Variants in FAM234B observed in about 807,000 individuals in gnomAD.
FAM234B encodes protein FAM234B.
FAM234B carries 33 observed loss-of-function variants against 69.3 expected under a neutral mutation model. The observed-to-expected ratio is 0.48, with a 90% confidence interval of 0.36 to 0.64. The LOEUF (loss-of-function observed/expected upper bound fraction) is 0.64. Ranked by LOEUF, FAM234B falls within the 30% of genes least tolerant of loss-of-function variation. FAM234B has a pLI of 0.00. For synonymous variants in FAM234B, 306 were observed against 306.9 expected, an observed-to-expected ratio of 1.00 and a Z score of 0.03; for missense variants, 697 against 769.7, an observed-to-expected ratio of 0.91 and a Z score of 1.12.
rs770507792 is a variant in FAM234B at position 13,066,621 on chromosome 12, C to T, written c.853-19C>T. 17 of 1,602,866 alleles carry T rather than the reference C, an allele frequency of 1.1e-5. No individual in the cohort carries two copies. Among genetic ancestry groups the T allele is most frequent in the East Asian group, 4.5e-5 (2 of 44,640 alleles). ...GATAGGGCTTCTATTGACTCCACCCCCCTCTCTTACTTCCTCAGCCAGATC... is the reference window on the plus strand; with the variant it reads ...GATAGGGCTTCTATTGACTCCACCCTCCTCTCTTACTTCCTCAGCCAGATC... On this transcript the variant is annotated intron_variant, in intron 5 of 12. Coordinates refer to ENST00000197268, the MANE Select transcript of FAM234B (RefSeq NM_020853.2).
chr12:13,063,951 T>C (rs1296760979), intron 5 of FAM234B, among the ~76,000 whole-genome samples: 2 of 152,242 alleles, frequency 1.3e-5, no homozygotes, highest in Non-Finnish European at 2.9e-5. Flanking sequence ...GATCTTTGTA[T>C]TGCATATATG....
chr12:13,068,762 T>A, intron 9 of FAM234B, 51 bp downstream of exon 9: 2 of 1,242,352 alleles, frequency 1.6e-6, no homozygotes, highest in Non-Finnish European at 2.3e-6. Flanking sequence ...GTATATACTT[T>A]GTGTCCAACC....
rs980934133 is a variant in FAM234B at position 13,044,869 on chromosome 12, C to G, written c.37+429C>G. Among the ~76,000 whole-genome samples the G allele has an allele frequency of 6.6e-6, 1 of 152,200 alleles. No individual in the cohort carries two copies. Among genetic ancestry groups the G allele is most frequent in the Non-Finnish European group, 1.5e-5 (1 of 68,028 alleles). The stretch of plus-strand genomic sequence containing the variant: ...GGCGAGTGGCCCTCTGTGGATCATC[C>G]CCTCCACCTAACGGCAGCAACGACG... On this transcript the variant is annotated intron_variant, in intron 1 of 12. Coordinates refer to ENST00000197268, the MANE Select transcript of FAM234B (RefSeq NM_020853.2). This position sits in a 1 kb window ranked among gnomAD's most constrained non-coding sequence, Gnocchi z 5.6.
chr12:13,060,670 C>T (rs183933070), intron 3 of FAM234B, among the ~76,000 whole-genome samples: 15 of 152,240 alleles, frequency 9.9e-5, no homozygotes, highest in East Asian at 3.9e-4. Flanking sequence ...TTCAATTAGT[C>T]GTGCTGAGGA....
intron 1 of FAM234B, among the ~76,000 whole-genome samples, chr12:13,045,630 T>C (rs552208743): frequency 6.6e-6 from 1 of 152,340 alleles, no homozygotes; most frequent in African/African-American, 2.4e-5. Context: ...ATTATTATTT[T>C]TTTTAATATG....
chr12:13,081,331 A>G lies in FAM234B; in HGVS notation c.*701A>G, dbSNP rs747475759. The G allele has an allele frequency of 4.9e-4, 74 of 152,248 alleles. 1 individual carries two copies. The highest frequency in any genetic ancestry group is 9.4e-4 in the Non-Finnish European group (64 of 68,058). 9.4% of individuals were successfully genotyped at this position (152,248 alleles called of 1,614,324 possible). On this transcript the variant is annotated 3_prime_UTR_variant, in exon 13 of 13. Coordinates refer to ENST00000197268, the MANE Select transcript of FAM234B (RefSeq NM_020853.2). The stretch of plus-strand genomic sequence containing the variant: ...TGACCACAAGAATAACTATATTCCT[A>G]TCACAAGGGGAGCAAGAGGATGTAG...
At chr12:13,064,187 A>G (rs183647954) in intron 5 of FAM234B, among the ~76,000 whole-genome samples, 8 of 152,320 alleles carry the variant, frequency 5.3e-5, no homozygotes, top group Admixed American at 5.2e-4. Context: ...TAAGGGTTTT[A>G]AGCTTTAAGG....
At chr12:13,060,366 C>T (rs1864971733) in intron 3 of FAM234B, among the ~76,000 whole-genome samples, 1 of 152,218 alleles carries the variant, frequency 6.6e-6, no homozygotes, top group Non-Finnish European at 1.5e-5. Context: ...TGCACCTTCT[C>T]TAGAGTTCTG....
At chr12:13,053,127 T>A (rs188705857) in intron 1 of FAM234B, among the ~76,000 whole-genome samples, 164 of 152,324 alleles carry the variant, frequency 1.1e-3, no homozygotes, top group African/African-American at 3.9e-3. Context: ...TTTGTGCCCT[T>A]AAAAATCAAG....
chr12:13,080,138 T>G (rs528072693), intron 12 of FAM234B, 129 bp downstream of exon 12: 1 of 661,028 alleles, frequency 1.5e-6, no homozygotes, highest in Non-Finnish European at 2.6e-6. Context: ...ACAGTTGTTT[T>G]GGACCAACAC....
intron 1 of FAM234B, among the ~76,000 whole-genome samples, chr12:13,053,873 A>G (rs186695877): frequency 1.3e-5 from 2 of 151,854 alleles, no homozygotes; most frequent in Non-Finnish European, 2.9e-5. Context: ...CCATTTGTAG[A>G]CCTCCCCCCA....
At position 13,076,061 on chromosome 12, in the gene FAM234B, C is replaced by A; in HGVS notation, c.1560C>A (p.His520Gln). Residue 520 changes from histidine (H) to glutamine (Q), a missense_variant, in exon 11 of 13, where the codon CAC becomes CAA. By Grantham distance (24) the His-to-Gln change is conservative (BLOSUM62 0). Transcript: ENST00000197268. ...IILGTEPPSL[H>Q]HLYLLHPAFP... is the part of the protein sequence containing the mutation. The stretch of plus-strand genomic sequence containing the variant: ...TAGGAACTGAGCCGCCCAGCCTTCA[C>A]CACCTTTACCTCCTGCATCCTGCGT... 1.2e-6 allele frequency: 2 copies of A among 1,614,146 alleles called. No individual in the cohort carries two copies. Among genetic ancestry groups the A allele is most frequent in the African/African-American group, 2.7e-5 (2 of 75,032 alleles).
chr12:13,053,987 T>C (rs953418407), intron 1 of FAM234B, among the ~76,000 whole-genome samples: 6 of 152,236 alleles, frequency 3.9e-5, no homozygotes. Context: ...AAGAAAAATA[T>C]GGCTCTATTC....
Position 13,061,573 on chromosome 12 carries a change from AG to A in FAM234B, c.533del. On this transcript the variant is annotated splice_acceptor_variant, in intron 3 of 12. Coordinates refer to ENST00000197268, the MANE Select transcript of FAM234B (RefSeq NM_020853.2). LOFTEE classifies it high-confidence loss of function. ...TTTTTTATCTCTCTTGTGTGCTTTT[AG>A]GTGTCTCAAGACCAGCTGCTAATCT... 6.2e-7 allele frequency: 1 copy of A among 1,608,198 alleles called. No individual in the cohort carries two copies. The highest frequency in any genetic ancestry group is 8.5e-7 in the Non-Finnish European group (1 of 1,176,400).
chr12:13,051,542 A>G (rs1439227333), intron 1 of FAM234B, among the ~76,000 whole-genome samples: 1 of 152,254 alleles, frequency 6.6e-6, no homozygotes, highest in African/African-American at 2.4e-5. Context: ...AAAGCTCTCA[A>G]GATCTTACGT....
chr12:13,063,383 A>G (rs1316172640), intron 5 of FAM234B, among the ~76,000 whole-genome samples: 1 of 152,218 alleles, frequency 6.6e-6, no homozygotes. Context: ...GTAGTGCCTA[A>G]TTTTTGCTGT....
At chr12:13,059,400 A>G (rs1277321345) in intron 3 of FAM234B, among the ~76,000 whole-genome samples, 9 of 152,226 alleles carry the variant, frequency 5.9e-5, no homozygotes, top group Non-Finnish European at 1.3e-4. Flanking sequence ...TCTCCTTAAG[A>G]AACCGTCCAC....
intron 3 of FAM234B, among the ~76,000 whole-genome samples, chr12:13,059,163 A>T (rs1864960556): frequency 6.6e-6 from 1 of 152,042 alleles, no homozygotes; most frequent in South Asian, 2.1e-4. Flanking sequence ...GAGGGGAGGT[A>T]TTCACTCCCC....
At chr12:13,049,427 G>A (rs980150646) in intron 1 of FAM234B, among the ~76,000 whole-genome samples, 23 of 152,186 alleles carry the variant, frequency 1.5e-4, no homozygotes, top group African/African-American at 4.6e-4. Flanking sequence ...TGATCTGCTC[G>A]CCTTGGCCTC....
Sources: allele counts gnomAD v4.1 joint callset (sites outside exome capture counted in the v4.1 genomes callset), GRCh38; gene constraint gnomAD v4.1.1; non-coding constraint Gnocchi (gnomAD v3.1); transcripts MANE v1.5; gene names NCBI Gene and HGNC (gene_info 2026-07-23, HGNC 2026-07-21).